CDKAL1: variants seen among roughly 807,000 people sequenced by gnomAD.
The protein encoded by CDKAL1 is CDKAL1 threonylcarbamoyladenosine tRNA methylthiotransferase.
Under a neutral mutation model 68.2 loss-of-function variants are expected in CDKAL1, and 32 were observed. That is an observed-to-expected ratio of 0.47 (90% confidence interval 0.35 to 0.63). The LOEUF is 0.63. CDKAL1 is among the 30% of genes least tolerant of loss of function. The pLI is 0.00. For missense variants in CDKAL1, 606 were observed against 696.7 expected, an observed-to-expected ratio of 0.87 and a Z score of 1.47; for synonymous variants, 234 against 244.3, an observed-to-expected ratio of 0.96 and a Z score of 0.39.
intron 7 of CDKAL1, among the ~76,000 whole-genome samples, chr6:20,780,375 A>G (rs1368368444): frequency 6.6e-6 from 1 of 152,030 alleles, no homozygotes; most frequent in Non-Finnish European, 1.5e-5. Flanking sequence ...GCCCTAAAGT[A>G]TAATTTTATC....
chr6:20,815,495 T>C (rs1777005280), intron 8 of CDKAL1, among the ~76,000 whole-genome samples: 1 of 152,070 alleles, frequency 6.6e-6, no homozygotes, highest in South Asian at 2.1e-4. Context: ...TATAATCTCT[T>C]TTTCTCCTTT....
intron 4 of CDKAL1, among the ~76,000 whole-genome samples, chr6:20,567,490 C>G (rs1223548673): frequency 6.6e-6 from 1 of 152,016 alleles, no homozygotes; most frequent in Non-Finnish European, 1.5e-5. Context: ...ACGTGTTTCT[C>G]TCTTGCACAT....
chr6:21,092,734 TA>T lies in CDKAL1; in HGVS notation c.1237-15653del, dbSNP rs34756370. ...AGGACTGGGCAGGAAGACGAAAACT[TA>T]AAAAAAAAAAAAAGAAGTTACTGAT... On this transcript the variant is annotated intron_variant, in intron 12 of 15. Transcript: ENST00000274695. Among the ~76,000 whole-genome samples, 551 of 133,284 alleles carry T rather than the reference TA, an allele frequency of 4.1e-3. 3 individuals carry two copies. The highest frequency in any genetic ancestry group is 8.9e-3 in the African/African-American group (319 of 35,860). 87.4% of individuals were successfully genotyped at this position (133,284 alleles called of 152,430 possible). A position where few individuals can be genotyped will look rare whatever the true frequency, so the allele number is the denominator to read the frequency against.
At chr6:21,012,310 A>G (rs1269424836) in intron 11 of CDKAL1, among the ~76,000 whole-genome samples, 2 of 152,304 alleles carry the variant, frequency 1.3e-5, no homozygotes, top group South Asian at 4.1e-4. Context: ...GAGATGAAAT[A>G]GTGGGGAGCA....
At chr6:20,797,929 A>G (rs923348627) in intron 8 of CDKAL1, among the ~76,000 whole-genome samples, 1 of 151,480 alleles carries the variant, frequency 6.6e-6, no homozygotes, top group Non-Finnish European at 1.5e-5. Context: ...CAATCTTCCC[A>G]CCTCAGCCCC....
intron 5 of CDKAL1, among the ~76,000 whole-genome samples, chr6:20,696,958 CTA>C (rs1422599247): frequency 6.6e-6 from 1 of 152,096 alleles, no homozygotes; most frequent in Non-Finnish European, 1.5e-5. Flanking sequence ...AAAAAAAATC[CTA>C]TGTGTTGCTT....
chr6:21,214,158 C>T (rs1282759826), intron 15 of CDKAL1, among the ~76,000 whole-genome samples: 1 of 152,036 alleles, frequency 6.6e-6, no homozygotes, highest in Non-Finnish European at 1.5e-5. Flanking sequence ...TTAAAGCTTA[C>T]CAGGAGCTGG....
chr6:20,837,492 T>C (rs563500112), intron 8 of CDKAL1, among the ~76,000 whole-genome samples: 63 of 152,240 alleles, frequency 4.1e-4, no homozygotes, highest in African/African-American at 1.4e-3. Flanking sequence ...AATACTCCTT[T>C]GCTTTTAGAG....
At chr6:20,580,865 C>A (rs1025878824) in intron 4 of CDKAL1, among the ~76,000 whole-genome samples, 1 of 151,988 alleles carries the variant, frequency 6.6e-6, no homozygotes, top group Non-Finnish European at 1.5e-5. Flanking sequence ...TCTCGGCTTA[C>A]TGCAACCTCC....
chr6:20,857,970 C>T (rs946972144), intron 9 of CDKAL1, among the ~76,000 whole-genome samples: 3 of 152,198 alleles, frequency 2.0e-5, no homozygotes, highest in Non-Finnish European at 2.9e-5. Flanking sequence ...AGTGATTCTC[C>T]TGCCTCAGTC....
At chr6:20,718,385 G>T (rs936460709) in intron 5 of CDKAL1, among the ~76,000 whole-genome samples, 1 of 152,166 alleles carries the variant, frequency 6.6e-6, no homozygotes, top group African/African-American at 2.4e-5. Context: ...GACATTGACA[G>T]TTCCCTAGGA....
At chr6:20,545,560 C>T (rs1197718213) in intron 2 of CDKAL1, among the ~76,000 whole-genome samples, 1 of 152,134 alleles carries the variant, frequency 6.6e-6, no homozygotes, top group African/African-American at 2.4e-5. Context: ...CCTCAGCCTC[C>T]CAAGTAGCTA....
rs1160793225 is a variant in CDKAL1, at chr6:20,946,581, C to CAA, written c.743-8837_743-8836insAA. Among the ~76,000 whole-genome samples the CAA allele has an allele frequency of 4.0e-5, 6 of 149,794 alleles. No individual in the cohort carries two copies. The South Asian group carries it at 1.1e-3, about 27-fold the overall frequency. On this transcript the variant is annotated intron_variant, in intron 9 of 15. Coordinates refer to ENST00000274695, the MANE Select transcript of CDKAL1 (RefSeq NM_017774.3). Reference sequence around the variant, plus strand: ...GATTTACTGGGATGTAATCCAGTACCACAATCCATACCTTTTTTTTTTTTT... The same window carrying CAA: ...GATTTACTGGGATGTAATCCAGTACCAAACAATCCATACCTTTTTTTTTTTTT...
Position 21,138,658 on chromosome 6 carries a change from G to A in CDKAL1, c.1299+30195G>A, listed in dbSNP as rs916116914. Among the ~76,000 whole-genome samples, 7 of 151,890 alleles carry A rather than the reference G, an allele frequency of 4.6e-5. No individual in the cohort carries two copies. The East Asian group carries it at 7.7e-4, about 17-fold the overall frequency. ...TTCCCTTTCTTCTAAATAATTTCTT[G>A]GATAATATGTTCAGTAGTCTAGACA... On this transcript the variant is annotated intron_variant, in intron 13 of 15. Transcript: ENST00000274695.
At chr6:20,746,735 T>C (rs1773679225) in intron 6 of CDKAL1, among the ~76,000 whole-genome samples, 1 of 152,244 alleles carries the variant, frequency 6.6e-6, no homozygotes, top group Non-Finnish European at 1.5e-5. Context: ...GGCATTTCTT[T>C]CCTTTTTTAT....
intron 5 of CDKAL1, among the ~76,000 whole-genome samples, chr6:20,672,550 C>T (rs1319446083): frequency 2.0e-5 from 3 of 151,712 alleles, no homozygotes; most frequent in Non-Finnish European, 4.4e-5. Context: ...CAGGATTTCA[C>T]CATATTGGCC....
At chr6:20,799,040 G>GTTGTTTTTTT (rs1776242510) in intron 8 of CDKAL1, among the ~76,000 whole-genome samples, 2 of 47,508 alleles carry the variant, frequency 4.2e-5, no homozygotes, top group African/African-American at 8.5e-5. Context: ...AAAGAACTGA[G>GTTGTTTTTTT]TTTTTTTTTT....
chr6:20,559,774 A>T (rs574536815), intron 4 of CDKAL1: 2 of 152,206 alleles, frequency 1.3e-5, no homozygotes, highest in Admixed American at 6.5e-5. Flanking sequence ...CATGAGTCAG[A>T]TAAACATATA....
chr6:20,617,326 A>G (rs1766964153), intron 4 of CDKAL1, among the ~76,000 whole-genome samples: 1 of 152,214 alleles, frequency 6.6e-6, no homozygotes, highest in Non-Finnish European at 1.5e-5. Flanking sequence ...GGCCCTATGA[A>G]TAATAAAATT....
Sources: allele counts gnomAD v4.1 joint callset (sites outside exome capture counted in the v4.1 genomes callset), GRCh38; gene constraint gnomAD v4.1.1; transcripts MANE v1.5; gene names NCBI Gene and HGNC (gene_info 2026-07-23, HGNC 2026-07-21).